The following PTPRD variants were observed in gnomAD, a reference collection of about 807,000 sequenced individuals.
The protein encoded by PTPRD is protein tyrosine phosphatase receptor type D, also known as receptor-type tyrosine-protein phosphatase delta.
A neutral mutation model predicts 214.5 loss-of-function variants in PTPRD; 34 were observed. That is an observed-to-expected ratio of 0.16 (90% CI 0.12 to 0.21). PTPRD has a LOEUF of 0.21. Among genes scored for constraint, PTPRD ranks in the 10% least tolerant of loss-of-function variants. The probability of loss-of-function intolerance (pLI) is 1.00; values close to 1 mark genes in which losing one functional copy is unlikely to be tolerated. For synonymous variants in PTPRD, 1,128 were observed against 845.7 expected (o/e 1.33, Z -5.79); for missense variants, 2,545 against 2,398.7 (o/e 1.06, Z -1.27).
intron 4 of PTPRD, among the ~76,000 whole-genome samples, chr9:9,985,760 GT>G (rs911684944): frequency 6.5e-4 from 99 of 151,728 alleles, no homozygotes; most frequent in African/African-American, 2.2e-3. Context: ...TATAATAACA[GT>G]TTTTTGATTA....
chr9:10,523,796 A>G (rs1049634722), intron 2 of PTPRD, among the ~76,000 whole-genome samples: 1 of 151,552 alleles, frequency 6.6e-6, no homozygotes, highest in Non-Finnish European at 1.5e-5. Context: ...TAAAAAGTCA[A>G]ACATAATGCT....
intron 9 of PTPRD, among the ~76,000 whole-genome samples, chr9:9,369,029 G>T (rs979822858): frequency 4.6e-5 from 7 of 151,912 alleles, no homozygotes; most frequent in African/African-American, 1.7e-4. Flanking sequence ...TCTTGTCCTT[G>T]CGATAGTTTG....
At chr9:10,512,125 G>A (rs1202005742) in intron 2 of PTPRD, among the ~76,000 whole-genome samples, 1 of 149,600 alleles carries the variant, frequency 6.7e-6, no homozygotes, top group Non-Finnish European at 1.5e-5. Flanking sequence ...GAGGTTGCCA[G>A]ATCAGGCTAT....
chr9:8,775,458 G>A (rs761314842), intron 11 of PTPRD, among the ~76,000 whole-genome samples: 2 of 152,208 alleles, frequency 1.3e-5, no homozygotes, highest in Non-Finnish European at 2.9e-5. Context: ...TCCCTGGAAA[G>A]GCCAAAATTA....
At chr9:10,012,170 A>G (rs2096614158) in intron 4 of PTPRD, among the ~76,000 whole-genome samples, 1 of 151,976 alleles carries the variant, frequency 6.6e-6, no homozygotes, top group Admixed American at 6.6e-5. Context: ...ATACAAATGG[A>G]ACTTTGCAAG....
At chr9:9,923,128 G>T (rs1236399122) in intron 5 of PTPRD, among the ~76,000 whole-genome samples, 3 of 150,624 alleles carry the variant, frequency 2.0e-5, no homozygotes, top group Non-Finnish European at 3.0e-5. Context: ...TGGGGGGTGT[G>T]TGTGTGTGTG....
intron 8 of PTPRD, among the ~76,000 whole-genome samples, chr9:9,496,346 A>T (rs62533232): frequency 0.062 from 9,422 of 152,240 alleles, 355 homozygotes; most frequent in Non-Finnish European, 0.091. Context: ...AGAAAATCAG[A>T]TATCCAGAAT....
At chr9:10,044,664 A>G (rs1784923850) in intron 3 of PTPRD, among the ~76,000 whole-genome samples, 1 of 151,796 alleles carries the variant, frequency 6.6e-6, no homozygotes, top group Non-Finnish European at 1.5e-5. Context: ...ACACAGACTA[A>G]GAAATTAAAG....
chr9:10,117,575 C>T (rs1287061699), intron 3 of PTPRD, among the ~76,000 whole-genome samples: 2 of 150,016 alleles, frequency 1.3e-5, no homozygotes, highest in African/African-American at 2.4e-5. Flanking sequence ...CCTCCTTCTT[C>T]ACTTGGCCTT....
intron 12 of PTPRD, among the ~76,000 whole-genome samples, chr9:8,711,551 G>C (rs1352411094): frequency 6.6e-6 from 1 of 151,998 alleles, no homozygotes; most frequent in Non-Finnish European, 1.5e-5. Context: ...CCCTTCGAGA[G>C]CTCATTTACC....
chr9:9,507,604 T>C (rs927552325), intron 8 of PTPRD, among the ~76,000 whole-genome samples: 5 of 151,528 alleles, frequency 3.3e-5, no homozygotes, highest in Admixed American at 6.6e-5. Context: ...TTTTATATTT[T>C]ACAGGAATTT....
chr9:8,967,528 G>C (rs566705231), intron 11 of PTPRD, among the ~76,000 whole-genome samples: 1 of 152,206 alleles, frequency 6.6e-6, no homozygotes, highest in East Asian at 1.9e-4. Flanking sequence ...CAACAACATA[G>C]ATGAAGCTGG....
chr9:9,277,223 G>A (rs1024945997), intron 9 of PTPRD, among the ~76,000 whole-genome samples: 1 of 151,282 alleles, frequency 6.6e-6, no homozygotes, highest in East Asian at 2.0e-4. Flanking sequence ...TATTCAAACA[G>A]TTGATTCCCT....
chr9:9,058,917 C>T (rs926182524), intron 10 of PTPRD, among the ~76,000 whole-genome samples: 6 of 152,000 alleles, frequency 3.9e-5, no homozygotes, highest in African/African-American at 1.4e-4. Flanking sequence ...GATTATAATA[C>T]ATTTATAGTG....
Position 9,764,167 on chromosome 9 carries a change from G to T in PTPRD, c.-326+2643C>A, listed in dbSNP as rs143772408. On this transcript the variant is annotated intron_variant, in intron 6 of 45. Transcript: ENST00000381196. ...GTACCCTTAGCACCTAATGCCATAT[G>T]ACACATAATTATTTATTAATGAGAG... is the stretch of plus-strand genomic sequence containing the variant. 3.8e-3 allele frequency among the ~76,000 whole-genome samples: 571 copies of T among 152,190 alleles called. 2 individuals are homozygous for T. Among genetic ancestry groups the T allele is most frequent in the African/African-American group, 0.013 (539 of 41,520 alleles).
intron 9 of PTPRD, among the ~76,000 whole-genome samples, chr9:9,193,748 G>A (rs536837951): frequency 3.3e-5 from 5 of 152,274 alleles, no homozygotes; most frequent in South Asian, 2.1e-4. Flanking sequence ...CAGGACAGAA[G>A]CTGCCCTGGG....
chr9:9,475,892 A>G (rs1390259464), intron 8 of PTPRD, among the ~76,000 whole-genome samples: 2 of 152,188 alleles, frequency 1.3e-5, no homozygotes, highest in African/African-American at 4.8e-5. Flanking sequence ...GGCCTATGTT[A>G]TATATAAACT....
chr9:9,207,300 A>G (rs962333997), intron 9 of PTPRD, among the ~76,000 whole-genome samples: 1 of 152,212 alleles, frequency 6.6e-6, no homozygotes, highest in Non-Finnish European at 1.5e-5. Context: ...GACAGGGAGT[A>G]GATAGTTGGA....
At chr9:10,369,362 C>A (rs148496053) in intron 2 of PTPRD, among the ~76,000 whole-genome samples, 27 of 152,106 alleles carry the variant, frequency 1.8e-4, no homozygotes, top group African/African-American at 6.0e-4. Context: ...ATTCTCATAG[C>A]CAGGCATCTA....
Sources: allele counts gnomAD v4.1 joint callset (sites outside exome capture counted in the v4.1 genomes callset), GRCh38; gene constraint gnomAD v4.1.1; transcripts MANE v1.5; gene names NCBI Gene and HGNC (gene_info 2026-07-23, HGNC 2026-07-21).